TBC1D12: variants seen among roughly 807,000 people sequenced by gnomAD.
The protein encoded by TBC1D12 is TBC1 domain family member 12.
Under a neutral mutation model 86.7 loss-of-function variants are expected in TBC1D12, and 56 were observed. The observed-to-expected ratio is 0.65, with a 90% confidence interval of 0.52 to 0.81. The LOEUF is 0.81. Ranked by LOEUF, TBC1D12 falls within the 30% of genes least tolerant of loss-of-function variation. The probability of loss-of-function intolerance (pLI) is 0.00; values close to 1 mark genes in which losing one functional copy is unlikely to be tolerated. For synonymous variants in TBC1D12, 421 were observed against 411.7 expected (o/e 1.02, Z -0.27); for missense variants, 1,023 against 1,038.8 (o/e 0.98, Z 0.21).
intron 2 of TBC1D12, among the ~76,000 whole-genome samples, chr10:94,449,078 A>G (rs1156615859): frequency 1.3e-5 from 2 of 152,228 alleles, no homozygotes; most frequent in East Asian, 3.8e-4. Flanking sequence ...TTAAAAGAAT[A>G]AAGATAAGTT....
intron 11 of TBC1D12, among the ~76,000 whole-genome samples, chr10:94,529,934 T>C (rs948697212): frequency 2.0e-5 from 3 of 152,148 alleles, no homozygotes; most frequent in Non-Finnish European, 4.4e-5. Flanking sequence ...CCAAAAGTGG[T>C]TTTTGTCATA....
At chr10:94,434,339 C>G (rs962261917) in intron 1 of TBC1D12, among the ~76,000 whole-genome samples, 4 of 151,580 alleles carry the variant, frequency 2.6e-5, no homozygotes, top group African/African-American at 9.7e-5. Flanking sequence ...AACCCTGTCT[C>G]TACTAAAAAT....
At chr10:94,515,057 G>A (rs1270842375) in intron 9 of TBC1D12, among the ~76,000 whole-genome samples, 5 of 150,236 alleles carry the variant, frequency 3.3e-5, no homozygotes, top group African/African-American at 4.9e-5. Flanking sequence ...ACAGGCGCCC[G>A]CCACTACGCC....
Position 94,403,529 on chromosome 10 carries a change from G to T in TBC1D12, c.916G>T (p.Ala306Ser). The change falls in exon 1 of 13, where the codon GCG (alanine) becomes TCG (serine). Residue 306 changes from alanine to serine, a missense_variant. Ala to Ser is a moderately conservative substitution (Grantham distance 99). Transcript: ENST00000225235. ...CTTGCCCGCCGCGGAGCAGGGTCCTGCGGGGGCTTCGGCCCGGGCTCGACG... is the reference window on the plus strand; with the variant it reads ...CTTGCCCGCCGCGGAGCAGGGTCCTTCGGGGGCTTCGGCCCGGGCTCGACG... ...VPLPAAEQGP[A>S]GASARARRSG... 1.3e-6 allele frequency: 2 copies of T among 1,537,158 alleles called. No individual in the cohort carries two copies. Among genetic ancestry groups the T allele is most frequent in the East Asian group, 2.5e-5 (1 of 39,636 alleles).
At chr10:94,491,357 G>C (rs1299446088) in intron 3 of TBC1D12, among the ~76,000 whole-genome samples, 1 of 152,168 alleles carries the variant, frequency 6.6e-6, no homozygotes, top group African/African-American at 2.4e-5. Context: ...ACACTAGCCT[G>C]TTGAAAAGAA....
chr10:94,533,267 T>C lies in TBC1D12; in HGVS notation c.*171T>C, dbSNP rs1009815901. On this transcript the variant is annotated 3_prime_UTR_variant, in exon 13 of 13. Coordinates refer to ENST00000225235, the MANE Select transcript of TBC1D12 (RefSeq NM_015188.2). ...GCTGAAGTAAATGAAATAAGTAACT[T>C]ATTGACAGTATTAATAAACTATTAT... The C allele has an allele frequency of 6.3e-6, 3 of 472,786 alleles. No individual in the cohort carries two copies. The highest frequency in any genetic ancestry group is 6.0e-5 in the African/African-American group (3 of 49,616). 29.3% of individuals were successfully genotyped at this position (472,786 alleles called of 1,614,324 possible). A position where few individuals can be genotyped will look rare whatever the true frequency, so the allele number is the denominator to read the frequency against.
chr10:94,467,376 G>T lies in TBC1D12; in HGVS notation c.1096-7292G>T, dbSNP rs183539637. On this transcript the variant is annotated intron_variant, in intron 2 of 12. Coordinates refer to ENST00000225235, the MANE Select transcript of TBC1D12 (RefSeq NM_015188.2). ...GCCTCCCGAGTAGCTGGGATTACAG[G>T]CATGCACCACCACGCCCGGCTAATT... 3.6e-3 allele frequency among the ~76,000 whole-genome samples: 552 copies of T among 152,136 alleles called. 3 individuals are homozygous for T. The highest frequency in any genetic ancestry group is 0.013 in the African/African-American group (532 of 41,518).
chr10:94,511,063 T>C (rs2056520096), intron 8 of TBC1D12, among the ~76,000 whole-genome samples: 1 of 151,768 alleles, frequency 6.6e-6, no homozygotes, highest in Admixed American at 6.6e-5. Flanking sequence ...ATTTGGCTTT[T>C]TGTTGTTGTT....
At chr10:94,437,991 C>CTTTTTTTT (rs60477158) in intron 1 of TBC1D12, among the ~76,000 whole-genome samples, 2 of 30,036 alleles carry the variant, frequency 6.7e-5, no homozygotes, top group African/African-American at 1.6e-4. Context: ...TCTCCTGGAG[C>CTTTTTTTT]TTTTTTTTTT....
chr10:94,488,386 CTT>C (rs770258959), intron 3 of TBC1D12, among the ~76,000 whole-genome samples: 4 of 74,794 alleles, frequency 5.3e-5, no homozygotes, highest in African/African-American at 2.2e-4. Flanking sequence ...CCCAAGGGGT[CTT>C]TTTTTTTTTT....
chr10:94,531,759 T>TTTG (rs1266545291), intron 12 of TBC1D12, among the ~76,000 whole-genome samples: 3 of 66,558 alleles, frequency 4.5e-5, no homozygotes, highest in African/African-American at 1.2e-4. Context: ...GTTATTTTAT[T>TTTG]TTATTTTATT....
At chr10:94,423,595 G>A (rs192345891) in intron 1 of TBC1D12, among the ~76,000 whole-genome samples, 3,908 of 152,078 alleles carry the variant, frequency 0.026, 79 homozygotes, top group Non-Finnish European at 0.041. Context: ...TGGTCTGCCT[G>A]CCTCAGCCTC....
intron 2 of TBC1D12, among the ~76,000 whole-genome samples, chr10:94,465,979 C>T (rs551063761): frequency 1.5e-4 from 23 of 150,862 alleles, no homozygotes; most frequent in Non-Finnish European, 3.1e-4. Flanking sequence ...TGTATATATA[C>T]ACATATATAT....
intron 1 of TBC1D12, among the ~76,000 whole-genome samples, chr10:94,433,987 T>C (rs576318355): frequency 6.6e-6 from 1 of 152,300 alleles, no homozygotes; most frequent in South Asian, 2.1e-4. Flanking sequence ...TAAATTTTTT[T>C]CCCCAAGGGC....
At chr10:94,459,076 CTGATTGGTCCATTTTACAGAG>C (rs2055678937) in intron 2 of TBC1D12, among the ~76,000 whole-genome samples, 1 of 3,424 alleles carries the variant, frequency 2.9e-4, no homozygotes. Context: ...TTACAGAGAG[CTGATTGGTCCATTTTACAGAG>C]AGCTGATTGG....
chr10:94,531,106 C>G, intron 11 of TBC1D12, 96 bp from the exon 12 acceptor site: 1 of 1,387,198 alleles, frequency 7.2e-7, no homozygotes, highest in Non-Finnish European at 9.8e-7. Context: ...CTTCTTATCC[C>G]TAATTAAACA....
intron 2 of TBC1D12, among the ~76,000 whole-genome samples, chr10:94,461,677 G>A (rs1016401407): frequency 1.3e-5 from 2 of 152,044 alleles, no homozygotes; most frequent in Admixed American, 6.6e-5. Context: ...TCCACACTCA[G>A]CCTCTATCAG....
At chr10:94,502,223 T>G (rs891942213) in intron 6 of TBC1D12, among the ~76,000 whole-genome samples, 1 of 151,810 alleles carries the variant, frequency 6.6e-6, no homozygotes, top group Non-Finnish European at 1.5e-5. Context: ...TCCCAGCTAC[T>G]CGGGAGGCTG....
chr10:94,528,120 A>G (rs1267200897), intron 11 of TBC1D12, among the ~76,000 whole-genome samples: 1 of 151,430 alleles, frequency 6.6e-6, no homozygotes, highest in African/African-American at 2.4e-5. Context: ...GAAGAGTGTC[A>G]TTGGTATTTT....
Sources: allele counts gnomAD v4.1 joint callset (sites outside exome capture counted in the v4.1 genomes callset), GRCh38; gene constraint gnomAD v4.1.1; transcripts MANE v1.5; gene names NCBI Gene and HGNC (gene_info 2026-07-23, HGNC 2026-07-21).